The following KDM4C variants were observed in gnomAD, a reference collection of about 807,000 sequenced individuals.
The protein encoded by KDM4C is lysine demethylase 4C, also known as lysine-specific demethylase 4C.
In KDM4C, 81 loss-of-function variants were observed where a neutral mutation model predicts 129.3. That is an observed-to-expected ratio of 0.63 (90% CI 0.52 to 0.75). KDM4C has a LOEUF of 0.75. Among genes scored for constraint, KDM4C ranks in the 30% least tolerant of loss-of-function variants. The pLI, the probability that KDM4C is intolerant of heterozygous loss-of-function variation, is 0.00. For missense variants in KDM4C, 1,457 were observed against 1,304.0 expected (o/e 1.12, Z -1.81); for synonymous variants, 573 against 456.1 (o/e 1.26, Z -3.26).
chr9:7,169,076 T>C (rs943800616), intron 20 of KDM4C, among the ~76,000 whole-genome samples: 4 of 147,986 alleles, frequency 2.7e-5, no homozygotes, highest in Non-Finnish European at 6.0e-5. Context: ...AAAGGAAATA[T>C]ATTATCTTTT....
At chr9:6,826,229 ATTC>A (rs1405009651) in intron 4 of KDM4C, among the ~76,000 whole-genome samples, 1 of 148,134 alleles carries the variant, frequency 6.8e-6, no homozygotes, top group African/African-American at 2.5e-5. Context: ...TTGGTGTCCT[ATTC>A]TTTCCATTTT....
rs556243587 is a variant in KDM4C, at chr9:7,112,686, C to T, written c.2610+8816C>T. 3.3e-5 allele frequency among the ~76,000 whole-genome samples: 5 copies of T among 152,288 alleles called. No homozygotes were observed. The East Asian group carries it at 9.7e-4, about 29-fold the overall frequency. ...ATATGTAGCTATGGGTTGAATCTAT[C>T]CTTTCAGTTTCCTTTTTATTTTCCC... On this transcript the variant is annotated intron_variant, in intron 18 of 21. Transcript: ENST00000381309.
At chr9:7,036,801 G>A (rs567348625) in intron 15 of KDM4C, among the ~76,000 whole-genome samples, 1 of 152,148 alleles carries the variant, frequency 6.6e-6, no homozygotes, top group Non-Finnish European at 1.5e-5. Context: ...GTGAGGGCAG[G>A]ATCTTTGTCA....
intron 1 of KDM4C, among the ~76,000 whole-genome samples, chr9:6,768,919 C>T (rs1286333236): frequency 6.6e-6 from 1 of 152,010 alleles, no homozygotes; most frequent in African/African-American, 2.4e-5. Context: ...ACTACAGGTG[C>T]CCATCACCAT....
chr9:7,080,920 T>C (rs1002256926), intron 17 of KDM4C, among the ~76,000 whole-genome samples: 1 of 152,244 alleles, frequency 6.6e-6, no homozygotes, highest in African/African-American at 2.4e-5. Context: ...GTAGTTTAAA[T>C]AAGTCTTGGT....
chr9:6,759,842 GAGGCA>G (rs1563941468), intron 1 of KDM4C, among the ~76,000 whole-genome samples: 3 of 151,466 alleles, frequency 2.0e-5, no homozygotes, highest in Admixed American at 6.6e-5. Flanking sequence ...AATCCCAGCT[GAGGCA>G]AGAGAATCAC....
At chr9:6,904,063 A>G (rs964119886) in intron 8 of KDM4C, among the ~76,000 whole-genome samples, 2 of 152,112 alleles carry the variant, frequency 1.3e-5, no homozygotes, top group Non-Finnish European at 2.9e-5. Context: ...GACATGGAGA[A>G]ACCTCATGTC....
Position 7,046,880 on chromosome 9 carries a change from T to A in KDM4C, c.2278T>A (p.Leu760Met). Residue 760 changes from leucine to methionine, a missense_variant, in exon 16 of 22, where the codon TTG becomes ATG. Coordinates refer to ENST00000381309, the MANE Select transcript of KDM4C (RefSeq NM_015061.6). ...AWTAECCLCN[L>M]RGGALKQTKN... ...CCCCCAGGAATGCTGTCTCTGCAATTTGAGAGGAGGTGCTCTTAAGCAAAC... is the reference window on the plus strand; with the variant it reads ...CCCCCAGGAATGCTGTCTCTGCAATATGAGAGGAGGTGCTCTTAAGCAAAC... 1 of 1,607,770 alleles carries A rather than the reference T, an allele frequency of 6.2e-7. No individual in the cohort carries two copies. Among genetic ancestry groups the A allele is most frequent in the Non-Finnish European group, 8.5e-7 (1 of 1,174,638 alleles).
chr9:6,859,859 C>T (rs1399570608), intron 5 of KDM4C, among the ~76,000 whole-genome samples: 1 of 138,484 alleles, frequency 7.2e-6, no homozygotes, highest in Non-Finnish European at 1.6e-5. Context: ...AGCGAGACTC[C>T]GTCTCAAAAA....
chr9:6,830,398 A>G (rs1834617719), intron 4 of KDM4C, among the ~76,000 whole-genome samples: 1 of 152,154 alleles, frequency 6.6e-6, no homozygotes, highest in Non-Finnish European at 1.5e-5. Flanking sequence ...GCATCCTAGT[A>G]TGGTTTCTTC....
intron 10 of KDM4C, among the ~76,000 whole-genome samples, chr9:6,985,844 C>G (rs1184707881): frequency 6.6e-6 from 1 of 152,172 alleles, no homozygotes; most frequent in Non-Finnish European, 1.5e-5. Context: ...GTGTGCACCA[C>G]TATGCCTAAC....
chr9:7,155,135 T>C (rs1344897341), intron 19 of KDM4C, among the ~76,000 whole-genome samples: 1 of 152,176 alleles, frequency 6.6e-6, no homozygotes, highest in Admixed American at 6.5e-5. Flanking sequence ...GCTTTGGGGA[T>C]ACCTGGAATT....
chr9:6,919,528 CATCTGTCTGTCTGTCTGTCT>C (rs1447790342), intron 8 of KDM4C, among the ~76,000 whole-genome samples: 8 of 83,346 alleles, frequency 9.6e-5, no homozygotes, highest in African/African-American at 2.7e-4. Context: ...CTTTCAATTT[CATCTGTCTGTCTGTCTGTCT>C]ATCTATCTAT....
chr9:6,753,628 G>GA (rs1818146073), upstream of KDM4C, among the ~76,000 whole-genome samples: 2 of 152,116 alleles, frequency 1.3e-5, no homozygotes, highest in East Asian at 3.9e-4. Context: ...CTAGAAGCTA[G>GA]AAAGTCCAGG....
intron 8 of KDM4C, among the ~76,000 whole-genome samples, chr9:6,975,735 C>T (rs909270734): frequency 6.6e-6 from 1 of 152,164 alleles, no homozygotes; most frequent in South Asian, 2.1e-4. Context: ...ACTAATGGTT[C>T]ATTAAAATTA....
intron 8 of KDM4C, among the ~76,000 whole-genome samples, chr9:6,938,833 T>C (rs1215023163): frequency 1.3e-5 from 2 of 148,418 alleles, no homozygotes; most frequent in Non-Finnish European, 3.0e-5. Flanking sequence ...TATAAATATT[T>C]ATTTTTCAGA....
intron 5 of KDM4C, among the ~76,000 whole-genome samples, chr9:6,858,167 C>T (rs191086959): frequency 1.3e-5 from 2 of 152,120 alleles, no homozygotes; most frequent in Non-Finnish European, 2.9e-5. Flanking sequence ...ATTGAAGAAA[C>T]AGAAGACTCA....
At chr9:6,772,980 G>C (rs1455353279) in intron 1 of KDM4C, among the ~76,000 whole-genome samples, 1 of 151,984 alleles carries the variant, frequency 6.6e-6, no homozygotes, top group Non-Finnish European at 1.5e-5. Context: ...ACAGGTGTGA[G>C]CCACAGTGCC....
intron 5 of KDM4C, among the ~76,000 whole-genome samples, chr9:6,869,474 A>G (rs1410756071): frequency 2.6e-5 from 4 of 152,172 alleles, no homozygotes; most frequent in Non-Finnish European, 5.9e-5. Context: ...TGGGGAGTTC[A>G]CTCTGAGATT....
Sources: gnomAD v4.1 joint callset for allele counts (sites outside exome capture counted in the v4.1 genomes callset) on GRCh38, gnomAD v4.1.1 for gene constraint, MANE v1.5 for transcripts, NCBI Gene and HGNC (gene_info 2026-07-23, HGNC 2026-07-21) for gene names.